Variants in IFTAP observed in about 807,000 individuals in gnomAD.
The protein encoded by IFTAP is intraflagellar transport-associated protein.
In IFTAP, 19 loss-of-function variants were observed where a neutral mutation model predicts 19.4. That is an observed-to-expected ratio of 0.98 (90% CI 0.68 to 1.44). IFTAP has a LOEUF of 1.44. Among genes scored for constraint, IFTAP ranks in the 40% most tolerant of loss-of-function variants. The probability of loss-of-function intolerance (pLI) is 0.00; values close to 1 mark genes in which losing one functional copy is unlikely to be tolerated. For missense variants in IFTAP, 240 were observed against 253.6 expected (o/e 0.95, Z 0.36); for synonymous variants, 85 against 83.5 (o/e 1.02, Z -0.10).
At chr11:36,652,655 T>C (rs1463810868) in intron 5 of IFTAP, among the ~76,000 whole-genome samples, 1 of 152,084 alleles carries the variant, frequency 6.6e-6, no homozygotes, top group Non-Finnish European at 1.5e-5. Context: ...ACGCTTCCAG[T>C]TTTTGCCCAC....
chr11:36,628,959 TA>T (rs1252547366), intron 2 of IFTAP, among the ~76,000 whole-genome samples: 6 of 151,354 alleles, frequency 4.0e-5, no homozygotes, highest in Admixed American at 3.9e-4. Context: ...ATGAGGAACA[TA>T]AAACAGTTGG....
chr11:36,635,000 A>G (rs753561286), intron 3 of IFTAP, among the ~76,000 whole-genome samples: 2 of 152,176 alleles, frequency 1.3e-5, no homozygotes, highest in Non-Finnish European at 2.9e-5. Context: ...AAAATTTAGT[A>G]GTGAAACCAT....
intron 2 of IFTAP, among the ~76,000 whole-genome samples, chr11:36,626,609 T>C (rs1233423786): frequency 1.3e-5 from 2 of 151,272 alleles, no homozygotes; most frequent in Admixed American, 1.3e-4. Flanking sequence ...CTGCTCTCCT[T>C]AGGGATACAT....
chr11:36,627,685 C>T (rs1448567875), intron 2 of IFTAP, among the ~76,000 whole-genome samples: 1 of 151,208 alleles, frequency 6.6e-6, no homozygotes, highest in Non-Finnish European at 1.5e-5. Flanking sequence ...CATCTGTTCC[C>T]AGTGTGGGCC....
intron 2 of IFTAP, among the ~76,000 whole-genome samples, chr11:36,612,619 A>G (rs1851916745): frequency 6.6e-6 from 1 of 152,030 alleles, no homozygotes; most frequent in Non-Finnish European, 1.5e-5. Flanking sequence ...GTTGATACAC[A>G]CTGAGCCTTT....
intron 5 of IFTAP, among the ~76,000 whole-genome samples, chr11:36,648,658 C>T (rs967985980): frequency 3.3e-5 from 5 of 152,060 alleles, no homozygotes. Flanking sequence ...CATCAGGGAC[C>T]CAGGTTCCTT....
intron 2 of IFTAP, among the ~76,000 whole-genome samples, chr11:36,623,466 T>A (rs1315624562): frequency 6.6e-6 from 1 of 151,922 alleles, no homozygotes; most frequent in African/African-American, 2.4e-5. Context: ...TGAAAAAGGA[T>A]GATGGGTTAT....
At chr11:36,620,096 AT>A (rs373150672) in intron 2 of IFTAP, among the ~76,000 whole-genome samples, 5 of 152,164 alleles carry the variant, frequency 3.3e-5, no homozygotes, top group African/African-American at 1.2e-4. Context: ...AAGCGGTGTT[AT>A]TTTAAAGCTT....
intron 1 of IFTAP, among the ~76,000 whole-genome samples, chr11:36,596,439 T>C (rs867801): frequency 0.15 from 23,088 of 152,096 alleles, 2,502 homozygotes; most frequent in African/African-American, 0.3. Context: ...CTCAGTTGTA[T>C]ATTCAGCAAA....
chr11:36,617,625 G>T (rs1355674367), intron 2 of IFTAP, among the ~76,000 whole-genome samples: 2 of 152,028 alleles, frequency 1.3e-5, no homozygotes, highest in East Asian at 3.9e-4. Flanking sequence ...CCAGATAATT[G>T]CTTAAAGTGT....
chr11:36,636,546 G>A (rs912408333), intron 4 of IFTAP, among the ~76,000 whole-genome samples: 3 of 152,134 alleles, frequency 2.0e-5, no homozygotes, highest in African/African-American at 7.2e-5. Context: ...TGGTATTAAA[G>A]GTTACTGAGG....
At chr11:36,636,748 T>C (rs1009731873) in intron 4 of IFTAP, among the ~76,000 whole-genome samples, 5 of 150,210 alleles carry the variant, frequency 3.3e-5, no homozygotes, top group African/African-American at 1.3e-4. Context: ...TAAAGATATA[T>C]TGTAAATGTT....
intron 4 of IFTAP, among the ~76,000 whole-genome samples, chr11:36,641,430 A>G (rs1010644711): frequency 4.6e-5 from 7 of 152,212 alleles, no homozygotes; most frequent in Non-Finnish European, 1.0e-4. Context: ...TAAGAATAAG[A>G]ACTACTGACA....
At chr11:36,598,569 A>G (rs1464819265) in intron 1 of IFTAP, among the ~76,000 whole-genome samples, 3 of 152,226 alleles carry the variant, frequency 2.0e-5, no homozygotes, top group Admixed American at 6.5e-5. Flanking sequence ...TACCAGTGCT[A>G]TTCATTTTAA....
intron 5 of IFTAP, among the ~76,000 whole-genome samples, chr11:36,657,818 C>A (rs970125767): frequency 6.6e-6 from 1 of 152,164 alleles, no homozygotes; most frequent in African/African-American, 2.4e-5. Context: ...GGCAAACTCA[C>A]CATGGAAACC....
At chr11:36,634,211 A>G (rs1423842845) in intron 3 of IFTAP, among the ~76,000 whole-genome samples, 1 of 152,108 alleles carries the variant, frequency 6.6e-6, no homozygotes, top group Non-Finnish European at 1.5e-5. Flanking sequence ...TATTATATAG[A>G]GAGTCTTTAA....
intron 2 of IFTAP, among the ~76,000 whole-genome samples, chr11:36,611,946 A>G (rs1454114241): frequency 6.6e-6 from 1 of 152,090 alleles, no homozygotes; most frequent in Non-Finnish European, 1.5e-5. Flanking sequence ...AAATAAGGGT[A>G]AAATTGGCAG....
At chr11:36,647,993 T>G (rs370828051) in intron 4 of IFTAP, 23 bp from the exon 5 acceptor site, 1 of 1,606,600 alleles carries the variant, frequency 6.2e-7, no homozygotes. Flanking sequence ...AAAGGCTCAG[T>G]TGAAATGTTT....
intron 4 of IFTAP, among the ~76,000 whole-genome samples, chr11:36,644,219 A>G (rs1009298330): frequency 1.3e-5 from 2 of 152,226 alleles, no homozygotes; most frequent in Non-Finnish European, 2.9e-5. Flanking sequence ...AAAAGAAGAC[A>G]TTTATGCAGC....
Sources: allele counts gnomAD v4.1 joint callset (sites outside exome capture counted in the v4.1 genomes callset), GRCh38; gene constraint gnomAD v4.1.1; transcripts MANE v1.5; gene names NCBI Gene and HGNC (gene_info 2026-07-23, HGNC 2026-07-21).